The following KCNT1 variants were observed in gnomAD, a reference collection of about 807,000 sequenced individuals.
KCNT1 encodes the protein potassium sodium-activated channel subfamily T member 1, also known as potassium channel subfamily T member 1.
In KCNT1, 78 loss-of-function variants were observed where a neutral mutation model predicts 147.8. That is an observed-to-expected ratio of 0.53 (90% CI 0.44 to 0.64). The LOEUF (loss-of-function observed/expected upper bound fraction) is 0.64, where lower values mean the gene tolerates loss of function less well. KCNT1 is among the 30% of genes least tolerant of loss of function. The pLI is 0.00. For synonymous variants in KCNT1, 867 were observed against 748.8 expected, an observed-to-expected ratio of 1.16 and a Z score of -2.58; for missense variants, 1,419 against 1,750.3, an observed-to-expected ratio of 0.81 and a Z score of 3.38.
intron 2 of KCNT1, among the ~76,000 whole-genome samples, chr9:135,721,238 G>A (rs911582514): frequency 2.0e-5 from 3 of 152,270 alleles, no homozygotes; most frequent in Admixed American, 1.3e-4. Flanking sequence ...GTCCCCTGGC[G>A]TGCCTCCTGC....
At chr9:135,746,721 G>A (rs1038786854) in intron 2 of KCNT1, among the ~76,000 whole-genome samples, 2 of 152,150 alleles carry the variant, frequency 1.3e-5, no homozygotes, top group African/African-American at 2.4e-5. Flanking sequence ...GGGCGTGGCC[G>A]GAGCTGGCTG....
At chr9:135,746,759 TTGGAG>T (rs1243360391) in intron 2 of KCNT1, among the ~76,000 whole-genome samples, 1 of 151,966 alleles carries the variant, frequency 6.6e-6, no homozygotes, top group Admixed American at 6.6e-5. Context: ...GGGTGTTGCC[TTGGAG>T]TGGAGTGTGG....
chr9:135,755,038 A>G (rs1831392548), intron 5 of KCNT1, 83 bp from the exon 6 acceptor site: 37 of 1,329,160 alleles, frequency 2.8e-5, no homozygotes, highest in Non-Finnish European at 3.4e-5. Context: ...GTGGAGGCCA[A>G]TGGTTATGGC....
intron 2 of KCNT1, among the ~76,000 whole-genome samples, chr9:135,738,489 G>C (rs1388857376): frequency 6.6e-6 from 1 of 152,148 alleles, no homozygotes; most frequent in Non-Finnish European, 1.5e-5. Flanking sequence ...AGGCAGGTGT[G>C]GTCTGCCCCA....
chr9:135,771,316 G>A, intron 18 of KCNT1: 1 of 602,964 alleles, frequency 1.7e-6, no homozygotes, highest in Non-Finnish European at 2.9e-6. Flanking sequence ...GACCGGGCAG[G>A]GCAGGAGACC....
Position 135,760,827 on chromosome 9 carries a change from C to T in KCNT1, c.1035+968C>T, listed in dbSNP as rs527646870. ...CGTGCGCGTCTTTCCATCTGGTTGT[C>T]GGCCACTCCACCGTCCAGTGCCACG... On this transcript the variant is annotated intron_variant, in intron 11 of 30. Transcript: ENST00000371757. 3.9e-5 allele frequency among the ~76,000 whole-genome samples: 6 copies of T among 152,320 alleles called. No individual in the cohort carries two copies. The East Asian group carries it at 1.2e-3, about 29-fold the overall frequency.
intron 3 of KCNT1, 32 bp downstream of exon 3, chr9:135,750,209 G>A (rs760891466): frequency 1.5e-5 from 24 of 1,582,346 alleles, no homozygotes; most frequent in Non-Finnish European, 1.8e-5. Flanking sequence ...CCACTCCCAG[G>A]CAGGGAGGTG....
intron 2 of KCNT1, among the ~76,000 whole-genome samples, chr9:135,728,052 CAAAAAA>C (rs1440617511): frequency 6.6e-6 from 1 of 152,118 alleles, no homozygotes; most frequent in African/African-American, 2.4e-5. Context: ...TAAGAAAACT[CAAAAAA>C]GAAAAAGATT....
rs763694190 is a variant in KCNT1, at chr9:135,755,102, G to A, written c.492-19G>A. 1 of 1,605,246 alleles carries A rather than the reference G, an allele frequency of 6.2e-7. No homozygotes were observed. The highest frequency in any genetic ancestry group is 8.5e-7 in the Non-Finnish European group (1 of 1,175,938). ...AGTGGCTGTGGTGCCCTACTGTGCT[G>A]CCTCCTTTCTCTTCCCAGGGCTCCT... is the stretch of plus-strand genomic sequence containing the variant. On this transcript the variant is annotated intron_variant, in intron 5 of 30. Transcript: ENST00000371757.
chr9:135,770,189 A>AGG, intron 16 of KCNT1, 109 bp from the exon 17 acceptor site: 1 of 1,416,944 alleles, frequency 7.1e-7, no homozygotes, highest in South Asian at 1.3e-5. Flanking sequence ...CTGCATAGGG[A>AGG]GGGGATCCAT....
intron 2 of KCNT1, among the ~76,000 whole-genome samples, chr9:135,740,248 G>T (rs563120099): frequency 1.3e-5 from 2 of 152,166 alleles, no homozygotes; most frequent in Non-Finnish European, 2.9e-5. Flanking sequence ...ACAAAACTCC[G>T]CCCGAGATAA....
At chr9:135,737,777 TTG>T (rs1830402226) in intron 2 of KCNT1, among the ~76,000 whole-genome samples, 1 of 152,058 alleles carries the variant, frequency 6.6e-6, no homozygotes, top group African/African-American at 2.4e-5. Flanking sequence ...CTGTGGGCTG[TTG>T]GGCCCCTCCC....
chr9:135,748,357 C>T (rs986955006), intron 2 of KCNT1, among the ~76,000 whole-genome samples: 4 of 151,900 alleles, frequency 2.6e-5, no homozygotes, highest in Admixed American at 2.6e-4. Flanking sequence ...GGCTGCTGCA[C>T]ACACCTGGTC....
At position 135,772,883 on chromosome 9, in the gene KCNT1, A is replaced by C; in HGVS notation, c.2177A>C (p.Asp726Ala). ...LADSSALLPCDLLSDQSEDEV... is the reference protein window; with the variant it reads ...LADSSALLPCALLSDQSEDEV... ...GACAGCTCAGCCCTGCTGCCCTGCG[A>C]CCTGCTGAGCGACCAGTCGGAGGAT... is the stretch of plus-strand genomic sequence containing the variant. Residue 726 changes from aspartate to alanine, a missense_variant, in exon 19 of 31, where the codon GAC becomes GCC. This residue lies in a region of KCNT1 where 284 missense variants were observed against 292.8 expected (regional missense o/e 0.97). Coordinates refer to ENST00000371757, the MANE Select transcript of KCNT1 (RefSeq NM_020822.3). 1.9e-6 allele frequency: 3 copies of C among 1,560,482 alleles called. No homozygotes were observed. In the East Asian group the frequency reaches 7.1e-5, roughly 37 times the overall value.
chr9:135,768,184 C>G (rs1279916290), intron 13 of KCNT1, among the ~76,000 whole-genome samples: 1 of 139,500 alleles, frequency 7.2e-6, no homozygotes, highest in Non-Finnish European at 1.5e-5. Flanking sequence ...AGTCCTGACC[C>G]GGCTCAGAGC....
At position 135,751,023 on chromosome 9, in the gene KCNT1, C is replaced by T. The variant is rs751504173; in HGVS notation, c.416C>T (p.Pro139Leu). The T allele has an allele frequency of 2.5e-6, 4 of 1,611,488 alleles. No individual in the cohort carries two copies. Among genetic ancestry groups the T allele is most frequent in the African/African-American group, 1.3e-5 (1 of 74,930 alleles). ...LYIVRVLLDD[P>L]ALGIGCWGCP... The stretch of plus-strand genomic sequence containing the variant: ...ATTGTGCGCGTCCTGCTCGATGACC[C>T]GGCCCTGGGCATCGGATGGTGGGCC... Residue 139 changes from proline to leucine, a missense_variant, in exon 4 of 31, where the codon CCG (proline) becomes CTG (leucine). Around this residue, in one of 5 missense-constraint regions of KCNT1, gnomAD observed 401 missense variants for 610.6 expected, o/e 0.66. Transcript: ENST00000371757.
At chr9:135,775,849 G>A (rs956623298) in intron 20 of KCNT1, among the ~76,000 whole-genome samples, 2 of 152,216 alleles carry the variant, frequency 1.3e-5, no homozygotes, top group African/African-American at 4.8e-5. Context: ...GTCCTGCGTG[G>A]CAGTGTTTTC....
At chr9:135,744,244 C>T (rs1467964603) in intron 2 of KCNT1, among the ~76,000 whole-genome samples, 1 of 152,248 alleles carries the variant, frequency 6.6e-6, no homozygotes, top group Non-Finnish European at 1.5e-5. Context: ...GCTGGCCTGC[C>T]GGTCAGCAGG....
At chr9:135,781,069 C>T (rs966325312) in intron 24 of KCNT1, among the ~76,000 whole-genome samples, 1 of 152,228 alleles carries the variant, frequency 6.6e-6, no homozygotes, top group African/African-American at 2.4e-5. Flanking sequence ...CCGTGGGGCC[C>T]ATCTCTTTCC....
Sources: allele counts gnomAD v4.1 joint callset (sites outside exome capture counted in the v4.1 genomes callset), GRCh38; gene constraint gnomAD v4.1.1; regional missense constraint gnomAD v4.1.1; transcripts MANE v1.5; gene names NCBI Gene and HGNC (gene_info 2026-07-23, HGNC 2026-07-21).